NAALADL2: variants seen among roughly 807,000 people sequenced by gnomAD.
NAALADL2 encodes the protein N-acetylated alpha-linked acidic dipeptidase like 2.
A neutral mutation model predicts 87.2 loss-of-function variants in NAALADL2; 76 were observed. The ratio of observed to expected loss-of-function variants is 0.87; its 90% CI spans 0.72 to 1.05. The LOEUF (loss-of-function observed/expected upper bound fraction) is 1.05, where lower values mean the gene tolerates loss of function less well. Ranked by LOEUF, NAALADL2 falls within the 50% of genes least tolerant of loss-of-function variation. The probability of loss-of-function intolerance (pLI) is 0.00; values close to 1 mark genes in which losing one functional copy is unlikely to be tolerated. For synonymous variants in NAALADL2, 354 were observed against 331.0 expected, an observed-to-expected ratio of 1.07 and a Z score of -0.75; for missense variants, 1,089 against 945.8, an observed-to-expected ratio of 1.15 and a Z score of -1.99.
intron 1 of NAALADL2, among the ~76,000 whole-genome samples, chr3:174,991,090 A>T (rs1047991951): frequency 6.6e-6 from 1 of 152,150 alleles, no homozygotes; most frequent in Non-Finnish European, 1.5e-5. Context: ...AACTAATTTA[A>T]AAAAAACCTT....
At chr3:174,739,620 GTGTTAGTAGAAGC>G (rs1205453488) in intron 3 of NAALADL2, among the ~76,000 whole-genome samples, 1 of 152,066 alleles carries the variant, frequency 6.6e-6, no homozygotes, top group African/African-American at 2.4e-5. Context: ...GTTTTTCCAT[GTGTTAGTAGAAGC>G]TGTTACTGAC....
intron 3 of NAALADL2, among the ~76,000 whole-genome samples, chr3:174,774,342 A>G (rs915750148): frequency 6.6e-6 from 1 of 152,174 alleles, no homozygotes; most frequent in African/African-American, 2.4e-5. Context: ...TCACGTGCAA[A>G]TCTGCTGGCT....
chr3:175,401,258 G>T (rs542672225), intron 5 of NAALADL2, among the ~76,000 whole-genome samples: 110 of 152,178 alleles, frequency 7.2e-4, no homozygotes, highest in Non-Finnish European at 1.4e-3. Context: ...TACATATTAT[G>T]AAAAAGATGG....
At chr3:175,618,391 T>G (rs148721908) in intron 10 of NAALADL2, among the ~76,000 whole-genome samples, 15 of 151,914 alleles carry the variant, frequency 9.9e-5, no homozygotes, top group African/African-American at 3.6e-4. Flanking sequence ...CTAGGAGGAG[T>G]AGGACCAAAG....
intron 2 of NAALADL2, among the ~76,000 whole-genome samples, chr3:174,565,492 A>AT (rs1243660700): frequency 6.6e-6 from 1 of 151,992 alleles, no homozygotes; most frequent in Non-Finnish European, 1.5e-5. Flanking sequence ...ATGTCGTTTT[A>AT]TGGTTTAATA....
At chr3:175,263,592 A>T (rs1259006521) in intron 4 of NAALADL2, among the ~76,000 whole-genome samples, 1 of 151,918 alleles carries the variant, frequency 6.6e-6, no homozygotes, top group Non-Finnish European at 1.5e-5. Flanking sequence ...CATATTTCTT[A>T]TTGTAATATA....
intron 2 of NAALADL2, among the ~76,000 whole-genome samples, chr3:174,640,359 ATC>A (rs1723048028): frequency 6.6e-6 from 1 of 152,180 alleles, no homozygotes; most frequent in Non-Finnish European, 1.5e-5. Flanking sequence ...ATCCTAGGGA[ATC>A]CTGGTAAAAT....
intron 11 of NAALADL2, among the ~76,000 whole-genome samples, chr3:175,666,140 C>G (rs1732960157): frequency 1.3e-5 from 2 of 151,970 alleles, no homozygotes; most frequent in African/African-American, 4.8e-5. Context: ...TTCCAAAATG[C>G]AAGACTGCCT....
intron 2 of NAALADL2, among the ~76,000 whole-genome samples, chr3:175,136,963 A>G (rs572839129): frequency 7.9e-5 from 12 of 152,320 alleles, no homozygotes; most frequent in South Asian, 2.1e-4. Context: ...GTGGGCAAAA[A>G]TACACTTCTG....
At chr3:175,122,103 A>G in intron 2 of NAALADL2, among the ~76,000 whole-genome samples, 1 of 151,826 alleles carries the variant, frequency 6.6e-6, no homozygotes, top group South Asian at 2.1e-4. Context: ...GGTGGAACAT[A>G]CCTTGTGAAT....
chr3:174,667,739 A>G (rs1726109368), intron 2 of NAALADL2, among the ~76,000 whole-genome samples: 1 of 151,956 alleles, frequency 6.6e-6, no homozygotes. Flanking sequence ...CTTGTCCTAT[A>G]AGAAGTGTCT....
intron 5 of NAALADL2, among the ~76,000 whole-genome samples, chr3:175,423,049 A>ATT (rs1251917314): frequency 8.9e-6 from 1 of 112,548 alleles, no homozygotes; most frequent in African/African-American, 3.4e-5. Flanking sequence ...ATATATATAT[A>ATT]TATTTTTTTT....
chr3:174,886,915 T>G (rs1730227541), intron 1 of NAALADL2, among the ~76,000 whole-genome samples: 1 of 152,158 alleles, frequency 6.6e-6, no homozygotes, highest in African/African-American at 2.4e-5. Context: ...CTCCACTCAC[T>G]CTCTTTTCCC....
intron 9 of NAALADL2, among the ~76,000 whole-genome samples, chr3:175,492,577 G>A (rs763605089): frequency 1.3e-5 from 2 of 152,096 alleles, no homozygotes; most frequent in African/African-American, 2.4e-5. Context: ...TACCCGGAGC[G>A]AAGCCTGTAC....
At chr3:175,650,552 C>T (rs1730628891) in intron 11 of NAALADL2, among the ~76,000 whole-genome samples, 1 of 152,090 alleles carries the variant, frequency 6.6e-6, no homozygotes, top group Non-Finnish European at 1.5e-5. Context: ...AATATGTCTC[C>T]CTGCATCATT....
At chr3:174,555,074 T>C (rs1173374002) in intron 2 of NAALADL2, among the ~76,000 whole-genome samples, 1 of 152,178 alleles carries the variant, frequency 6.6e-6, no homozygotes, top group Non-Finnish European at 1.5e-5. Context: ...CCAGCTCTTA[T>C]TATTGTTGCA....
chr3:175,529,272 G>A (rs2149440071), intron 9 of NAALADL2, among the ~76,000 whole-genome samples: 1 of 152,284 alleles, frequency 6.6e-6, no homozygotes, highest in Middle Eastern at 3.4e-3. Flanking sequence ...AAGGTAAGAG[G>A]AGCCCAAAGT....
At chr3:174,983,678 T>C (rs1350035969) in intron 1 of NAALADL2, among the ~76,000 whole-genome samples, 1 of 152,130 alleles carries the variant, frequency 6.6e-6, no homozygotes, top group East Asian at 1.9e-4. Context: ...CTCAAGGTGA[T>C]TCTGCCCTCA....
intron 1 of NAALADL2, among the ~76,000 whole-genome samples, chr3:174,993,687 AG>A (rs1221781819): frequency 1.3e-5 from 2 of 152,164 alleles, no homozygotes; most frequent in Admixed American, 6.5e-5. Flanking sequence ...TAGAAAAATG[AG>A]GAGTTAAAAA....
Sources: gnomAD v4.1 joint callset for allele counts (sites outside exome capture counted in the v4.1 genomes callset) on GRCh38, gnomAD v4.1.1 for gene constraint, MANE v1.5 for transcripts, NCBI Gene and HGNC (gene_info 2026-07-23, HGNC 2026-07-21) for gene names.